Variants in ARFGEF2 observed in about 807,000 individuals in gnomAD.
ARFGEF2 encodes ARF guanine nucleotide exchange factor 2.
Under a neutral mutation model 219.9 loss-of-function variants are expected in ARFGEF2, and 74 were observed. That is an observed-to-expected ratio of 0.34 (90% CI 0.28 to 0.41). The LOEUF is 0.41. ARFGEF2 is among the 10% of genes least tolerant of loss of function. ARFGEF2 has a pLI of 1.00. For missense variants in ARFGEF2, 1,743 were observed against 2,218.3 expected (o/e 0.79, Z 4.30); for synonymous variants, 733 against 799.2 (o/e 0.92, Z 1.40).
At position 49,036,085 on chromosome 20, in the gene ARFGEF2, G is replaced by A. The variant is rs2091664867; in HGVS notation, c.*2886G>A. 1 of 397,926 alleles carries A rather than the reference G, an allele frequency of 2.5e-6. No individual in the cohort carries two copies. The highest frequency in any genetic ancestry group is 4.4e-6 in the Non-Finnish European group (1 of 225,782). The allele number at this position is 397,926 out of a possible 1,614,324, so 24.6% of individuals were successfully genotyped here. ...TGTTATTAAAGGAACCTGCTGATAAGTACAAGTGTGACCATCTCATTCAAA... is the reference window on the plus strand; with the variant it reads ...TGTTATTAAAGGAACCTGCTGATAAATACAAGTGTGACCATCTCATTCAAA... On this transcript the variant is annotated 3_prime_UTR_variant, in exon 39 of 39. Coordinates refer to ENST00000371917, the MANE Select transcript of ARFGEF2 (RefSeq NM_006420.3).
chr20:48,961,854 A>ACT (rs1349329720), intron 6 of ARFGEF2, among the ~76,000 whole-genome samples: 2 of 142,564 alleles, frequency 1.4e-5, no homozygotes, highest in Admixed American at 1.4e-4. Flanking sequence ...ACAGAGTGAG[A>ACT]CTCTCTCAAA....
At chr20:48,963,746 C>A in intron 6 of ARFGEF2, 84 bp from the exon 7 acceptor site, 1 of 1,356,470 alleles carries the variant, frequency 7.4e-7, no homozygotes, top group Non-Finnish European at 1.0e-6. Flanking sequence ...TGAAATGTAA[C>A]TCCCCATAAT....
In ARFGEF2 at chr20:48,952,977, A is replaced by G. The variant is rs1034697648; in HGVS notation, c.603+93A>G. The G allele has an allele frequency of 9.1e-6, 12 of 1,321,482 alleles. No individual in the cohort carries two copies. In the African/African-American group the frequency reaches 1.4e-4, roughly 16 times the overall value. 81.9% of individuals were successfully genotyped at this position (1,321,482 alleles called of 1,614,324 possible). ...TTGGTGCCTGTGAAGAATCACTAGC[A>G]TTTTAAAGCTACCCCTTCTTCCTGT... On this transcript the variant is annotated intron_variant, in intron 5 of 38. Coordinates refer to ENST00000371917, the MANE Select transcript of ARFGEF2 (RefSeq NM_006420.3).
chr20:49,028,537 G>A lies in ARFGEF2; in HGVS notation c.4932G>A (p.Lys1644=). 2 of 1,614,174 alleles carry A rather than the reference G, an allele frequency of 1.2e-6. No individual in the cohort carries two copies. Among genetic ancestry groups the A allele is most frequent in the Non-Finnish European group, 1.7e-6 (2 of 1,180,004 alleles). ...QRTVLWRAGF[K]GKSKPNLLKQ... ...TGACTGTCTGATCTCTAGGTTTTAA[G>A]GGCAAGTCTAAACCCAATCTTCTAA... Residue 1644 remains lysine (K), a synonymous_variant, in exon 37 of 39, where the codon AAG becomes AAA. Transcript: ENST00000371917.
rs759881622 is a variant in ARFGEF2 at position 48,985,420 on chromosome 20, G to A, written c.2083G>A (p.Asp695Asn). The part of the protein sequence containing the change: ...EERLDSTQVG[D>N]FLGDSARFNK... ...GTGTATGTTTCAGACCCAAGTAGGC[G>A]ATTTTCTGGGAGATAGCGCAAGGTT... The change falls in exon 16 of 39, where the codon GAT becomes AAT. Residue 695 changes from aspartate (D) to asparagine (N), a missense_variant. This residue lies in a region of ARFGEF2 where 666 missense variants were observed against 955.4 expected (regional missense o/e 0.70). Transcript: ENST00000371917. The A allele has an allele frequency of 3.1e-6, 5 of 1,614,170 alleles. No homozygotes were observed. The highest frequency in any genetic ancestry group is 1.3e-5 in the African/African-American group (1 of 75,020).
At chr20:48,978,652 G>A (rs146918523) in intron 14 of ARFGEF2, among the ~76,000 whole-genome samples, 47 of 152,300 alleles carry the variant, frequency 3.1e-4, no homozygotes, top group African/African-American at 1.1e-3. Flanking sequence ...TCGTTGAACA[G>A]TGGTTTATAG....
intron 1 of ARFGEF2, among the ~76,000 whole-genome samples, chr20:48,927,559 A>G (rs1050443263): frequency 4.6e-5 from 7 of 151,930 alleles, no homozygotes; most frequent in Admixed American, 6.6e-5. Context: ...GTGGTGGCGC[A>G]CACCCGTAAT....
chr20:48,946,832 C>T (rs543700752), intron 3 of ARFGEF2, among the ~76,000 whole-genome samples: 4 of 151,848 alleles, frequency 2.6e-5, no homozygotes, highest in South Asian at 2.1e-4. Context: ...GACAGGGTCT[C>T]ACTCTGTTGT....
At chr20:49,006,606 A>G (rs1376831477) in intron 26 of ARFGEF2, among the ~76,000 whole-genome samples, 1 of 152,230 alleles carries the variant, frequency 6.6e-6, no homozygotes, top group Non-Finnish European at 1.5e-5. Flanking sequence ...CCCTTAGGAA[A>G]AGGCCTGAAG....
intron 22 of ARFGEF2, 152 bp downstream of exon 22, chr20:48,994,750 G>A (rs1600641318): frequency 1.7e-6 from 2 of 1,191,890 alleles, no homozygotes; most frequent in East Asian, 2.6e-5. Context: ...TGCTGCTTTG[G>A]CCTCTTAATT....
At chr20:49,028,765 CT>C in intron 37 of ARFGEF2, 97 bp downstream of exon 37, 1 of 1,335,134 alleles carries the variant, frequency 7.5e-7, no homozygotes, top group Non-Finnish European at 1.0e-6. Context: ...AAAATACATG[CT>C]GACACTCTGA....
At chr20:49,002,789 C>T (rs1241042173) in intron 25 of ARFGEF2, among the ~76,000 whole-genome samples, 2 of 150,596 alleles carry the variant, frequency 1.3e-5, no homozygotes, top group Non-Finnish European at 1.5e-5. Context: ...GGATTATAGG[C>T]ACCCACCACC....
At chr20:48,964,690 A>G (rs1206821264) in intron 7 of ARFGEF2, among the ~76,000 whole-genome samples, 2 of 152,204 alleles carry the variant, frequency 1.3e-5, no homozygotes, top group East Asian at 3.8e-4. Flanking sequence ...TTAAACTTGT[A>G]TGGCTCAGAA....
At chr20:48,980,783 T>C (rs2091290682) in intron 14 of ARFGEF2, among the ~76,000 whole-genome samples, 1 of 152,220 alleles carries the variant, frequency 6.6e-6, no homozygotes, top group Non-Finnish European at 1.5e-5. Flanking sequence ...AAGTCTGTTT[T>C]ATCAGAGACT....
rs749020227 is a variant in ARFGEF2 at position 48,991,103 on chromosome 20, A to G, written c.2878A>G (p.Ile960Val). 2 of 1,614,168 alleles carry G rather than the reference A, an allele frequency of 1.2e-6. No individual in the cohort carries two copies. The highest frequency in any genetic ancestry group is 2.2e-5 in the South Asian group (2 of 91,076). ...CTCCCTACTCACAGCCAGCTCCAGC[A>G]TCACAGAAATGAAGCAGAAAAACAT... The part of the protein sequence containing the change: ...RFSLLTASSS[I>V]TEMKQKNIDT... The change falls in exon 21 of 39, where the codon ATC (isoleucine) becomes GTC (valine). Residue 960 changes from isoleucine to valine, a missense_variant. Ile to Val is a conservative substitution (Grantham distance 29). Around this residue, in one of 5 missense-constraint regions of ARFGEF2, gnomAD observed 666 missense variants for 955.4 expected, o/e 0.70. Coordinates refer to ENST00000371917, the MANE Select transcript of ARFGEF2 (RefSeq NM_006420.3).
chr20:49,006,965 C>A (rs934780735), intron 26 of ARFGEF2, among the ~76,000 whole-genome samples: 21 of 151,832 alleles, frequency 1.4e-4, no homozygotes, highest in African/African-American at 5.1e-4. Context: ...CAGGCACGAG[C>A]TACCGTGGCC....
intron 25 of ARFGEF2, among the ~76,000 whole-genome samples, chr20:49,004,599 G>A (rs1402385980): frequency 6.6e-6 from 1 of 151,794 alleles, no homozygotes; most frequent in Non-Finnish European, 1.5e-5. Context: ...TCAGGAGTTC[G>A]AGACCAGCTT....
intron 22 of ARFGEF2, 150 bp downstream of exon 22, chr20:48,994,748 TG>T: frequency 8.3e-7 from 1 of 1,203,194 alleles, no homozygotes; most frequent in Non-Finnish European, 1.2e-6. Context: ...CGTGCTGCTT[TG>T]GCCTCTTAAT....
At chr20:48,961,488 C>T (rs778367055) in intron 6 of ARFGEF2, among the ~76,000 whole-genome samples, 13 of 149,382 alleles carry the variant, frequency 8.7e-5, no homozygotes, top group Admixed American at 2.7e-4. Flanking sequence ...TACTTTCTTC[C>T]GGAATGCCTC....
Sources: allele counts gnomAD v4.1 joint callset (sites outside exome capture counted in the v4.1 genomes callset), GRCh38; gene constraint gnomAD v4.1.1; regional missense constraint gnomAD v4.1.1; transcripts MANE v1.5; gene names NCBI Gene and HGNC (gene_info 2026-07-23, HGNC 2026-07-21).